NAV3: variants seen among roughly 807,000 people sequenced by gnomAD.
The protein encoded by NAV3 is neuron navigator 3, also known as pore membrane and/or filament interacting like protein 1.
Under a neutral mutation model 244.7 loss-of-function variants are expected in NAV3, and 87 were observed. That is an observed-to-expected ratio of 0.36 (90% confidence interval 0.30 to 0.42). The LOEUF (loss-of-function observed/expected upper bound fraction) is 0.42. NAV3 is among the 20% of genes least tolerant of loss of function. The probability of loss-of-function intolerance (pLI) is 1.00; values close to 1 mark genes in which losing one functional copy is unlikely to be tolerated. For missense variants in NAV3, 2,663 were observed against 2,893.3 expected (o/e 0.92, Z 1.83); for synonymous variants, 1,126 against 1,042.2 (o/e 1.08, Z -1.55).
rs528380127 is a variant in NAV3 at position 77,769,591 on chromosome 12, G to C, written c.73-170728G>C. 7.2e-5 allele frequency among the ~76,000 whole-genome samples: 11 copies of C among 152,320 alleles called. No individual in the cohort carries two copies. The East Asian group carries it at 1.9e-3, about 27-fold the overall frequency. ...GGAATGTTTGAAGATACAATTCTGT[G>C]TAACACAAGTTGTTACAGACTTATA... On this transcript the variant is annotated intron_variant, in intron 2 of 8. Transcript: ENST00000550042.
intron 2 of NAV3, among the ~76,000 whole-genome samples, chr12:77,619,612 C>T (rs1871282151): frequency 6.6e-6 from 1 of 152,190 alleles, no homozygotes; most frequent in Non-Finnish European, 1.5e-5. Context: ...GTCTGATTCA[C>T]ACATGATGTA....
chr12:77,755,453 T>C (rs184136271), intron 2 of NAV3, among the ~76,000 whole-genome samples: 2 of 152,058 alleles, frequency 1.3e-5, no homozygotes, highest in African/African-American at 4.8e-5. Flanking sequence ...TCTTTTCTTT[T>C]CTTTTTTCTT....
intron 9 of NAV3, among the ~76,000 whole-genome samples, chr12:78,022,806 G>A (rs1043065598): frequency 6.6e-6 from 1 of 152,138 alleles, no homozygotes; most frequent in Non-Finnish European, 1.5e-5. Context: ...CATGACTACA[G>A]CATCCTGCAG....
rs149232092 is a variant in NAV3 at position 77,936,386 on chromosome 12, G to A, written c.244-3933G>A. 8.8e-3 allele frequency among the ~76,000 whole-genome samples: 1,339 copies of A among 152,150 alleles called. 48 individuals are homozygous for A. Among genetic ancestry groups the A allele is most frequent in the Admixed American group, 0.074 (1,130 of 15,264 alleles). ...ATGGGATGATATTTATATTCATCAC[G>A]TTGAAGTTCATCAAAACAGTCGAAG... On this transcript the variant is annotated intron_variant, in intron 1 of 39. Transcript: ENST00000397909.
At chr12:78,200,013 C>T (rs1441843942) in intron 37 of NAV3, among the ~76,000 whole-genome samples, 1 of 152,012 alleles carries the variant, frequency 6.6e-6, no homozygotes, top group Non-Finnish European at 1.5e-5. Flanking sequence ...TTTATTCCTT[C>T]TTTAATTGCA....
chr12:78,022,988 A>G (rs1877415944), intron 9 of NAV3, among the ~76,000 whole-genome samples: 1 of 152,142 alleles, frequency 6.6e-6, no homozygotes, highest in Admixed American at 6.5e-5. Flanking sequence ...ATAATTGTAG[A>G]TTTTTCAAAT....
At chr12:77,754,577 C>T (rs1423493404) in intron 2 of NAV3, among the ~76,000 whole-genome samples, 4 of 152,122 alleles carry the variant, frequency 2.6e-5, no homozygotes, top group Non-Finnish European at 5.9e-5. Flanking sequence ...CATTCTTACC[C>T]GTTAAAACTT....
At chr12:78,050,726 G>A in intron 10 of NAV3, 38 bp from the exon 11 acceptor site, 2 of 1,546,252 alleles carry the variant, frequency 1.3e-6, no homozygotes, top group Middle Eastern at 1.7e-4. Context: ...GGCCCTAAGT[G>A]AACCAGAGTA....
At chr12:77,744,697 T>A (rs946898598) in intron 2 of NAV3, among the ~76,000 whole-genome samples, 2 of 151,908 alleles carry the variant, frequency 1.3e-5, no homozygotes, top group Non-Finnish European at 2.9e-5. Context: ...AAGGAGATTA[T>A]AGAGTATCAA....
In NAV3 at chr12:77,707,053, T is replaced by TCTTTC. The variant is rs1555196702; in HGVS notation, c.72+134787_72+134788insCTTTC. Among the ~76,000 whole-genome samples, 1,170 of 150,436 alleles carry TCTTTC rather than the reference T, an allele frequency of 7.8e-3. 12 individuals carry two copies. Among genetic ancestry groups the TCTTTC allele is most frequent in the African/African-American group, 0.027 (1,112 of 41,044 alleles). ...GACCCAGCTTGAATTGCTACCTTTTTTTTCTTTCTTTCTTTCTTTCTTTTT... is the reference window on the plus strand; with the variant it reads ...GACCCAGCTTGAATTGCTACCTTTTTCTTTCTTTCTTTCTTTCTTTCTTTCTTTTT... On this transcript the variant is annotated intron_variant, in intron 2 of 8. Coordinates refer to the NAV3 transcript ENST00000550042.
chr12:77,813,461 C>A (rs1196359589), intron 2 of NAV3, among the ~76,000 whole-genome samples: 1 of 152,072 alleles, frequency 6.6e-6, no homozygotes, highest in African/African-American at 2.4e-5. Flanking sequence ...TCTTAGAAGA[C>A]CCTGAAGAAA....
chr12:77,961,585 T>C (rs546627887), intron 3 of NAV3, among the ~76,000 whole-genome samples: 1 of 133,962 alleles, frequency 7.5e-6, no homozygotes, highest in East Asian at 2.3e-4. Context: ...ATATATTATG[T>C]ATCTGTAATA....
chr12:77,791,540 A>G (rs1237765854), intron 2 of NAV3, among the ~76,000 whole-genome samples: 1 of 152,146 alleles, frequency 6.6e-6, no homozygotes, highest in African/African-American at 2.4e-5. Flanking sequence ...TGTCTCATTT[A>G]AACCATATAA....
intron 2 of NAV3, among the ~76,000 whole-genome samples, chr12:77,737,492 C>G (rs1349727999): frequency 1.3e-5 from 2 of 151,752 alleles, no homozygotes; most frequent in African/African-American, 4.8e-5. Flanking sequence ...GGCGTTGACA[C>G]AATTTTAAAA....
At chr12:77,970,077 A>G (rs1892870894) in intron 5 of NAV3, among the ~76,000 whole-genome samples, 1 of 152,176 alleles carries the variant, frequency 6.6e-6, no homozygotes, top group Non-Finnish European at 1.5e-5. Context: ...CATACAAGCT[A>G]CTATATTTGT....
At chr12:77,951,583 G>A (rs908667828) in intron 3 of NAV3, among the ~76,000 whole-genome samples, 6 of 152,114 alleles carry the variant, frequency 3.9e-5, no homozygotes, top group African/African-American at 1.4e-4. Flanking sequence ...ATACCCAAAG[G>A]ATTATAAATC....
chr12:78,140,864 T>C (rs949482237), intron 20 of NAV3, among the ~76,000 whole-genome samples: 2 of 151,476 alleles, frequency 1.3e-5, no homozygotes, highest in African/African-American at 4.8e-5. Flanking sequence ...GTGATTTTTT[T>C]AACTTTTATT....
At chr12:77,588,675 T>G (rs1465536725) in intron 2 of NAV3, among the ~76,000 whole-genome samples, 1 of 152,196 alleles carries the variant, frequency 6.6e-6, no homozygotes, top group African/African-American at 2.4e-5. Context: ...GTGTGTTGAA[T>G]GAATGAGTGA....
At chr12:78,027,174 A>G (rs1878193727) in intron 9 of NAV3, among the ~76,000 whole-genome samples, 3 of 152,042 alleles carry the variant, frequency 2.0e-5, no homozygotes, top group Admixed American at 1.3e-4. Context: ...GGTGGCTCAT[A>G]CCTGGAATAG....
Sources: gnomAD v4.1 joint callset for allele counts (sites outside exome capture counted in the v4.1 genomes callset) on GRCh38, gnomAD v4.1.1 for gene constraint, MANE v1.5 for transcripts, NCBI Gene and HGNC (gene_info 2026-07-23, HGNC 2026-07-21) for gene names.